The following LRP1B variants were observed in gnomAD, a reference collection of about 807,000 sequenced individuals.
LRP1B encodes LDL receptor related protein 1B.
In LRP1B, 217 loss-of-function variants were observed where a neutral mutation model predicts 556.6. The observed-to-expected ratio is 0.39, with a 90% confidence interval of 0.35 to 0.44. LRP1B has a LOEUF of 0.44. LRP1B is among the 20% of genes least tolerant of loss of function. LRP1B has a pLI of 1.00. For missense variants in LRP1B, 5,053 were observed against 5,620.8 expected, an observed-to-expected ratio of 0.90 and a Z score of 3.23; for synonymous variants, 2,047 against 1,865.8, an observed-to-expected ratio of 1.10 and a Z score of -2.50.
chr2:142,000,415 A>G (rs1204992222), intron 1 of LRP1B, among the ~76,000 whole-genome samples: 1 of 152,210 alleles, frequency 6.6e-6, no homozygotes, highest in Non-Finnish European at 1.5e-5. Flanking sequence ...CATAATTACA[A>G]TCATTTCTTA....
chr2:140,341,454 AAC>A (rs1424082910), intron 77 of LRP1B, among the ~76,000 whole-genome samples: 1 of 151,444 alleles, frequency 6.6e-6, no homozygotes, highest in Non-Finnish European at 1.5e-5. Flanking sequence ...AAGACCTAAA[AAC>A]ACATTATGTG....
intron 55 of LRP1B, among the ~76,000 whole-genome samples, chr2:140,497,447 A>G (rs960976908): frequency 9.2e-5 from 14 of 151,968 alleles, no homozygotes; most frequent in African/African-American, 3.4e-4. Context: ...TTAACTGTAC[A>G]CATAAAAAAA....
intron 31 of LRP1B, 98 bp downstream of exon 31, chr2:140,839,893 T>C: frequency 2.7e-6 from 2 of 750,486 alleles, no homozygotes; most frequent in Non-Finnish European, 2.2e-6. Flanking sequence ...ATTTTACTAA[T>C]CTTTAATATT....
chr2:142,052,756 T>G (rs1291734288), intron 1 of LRP1B, among the ~76,000 whole-genome samples: 1 of 152,104 alleles, frequency 6.6e-6, no homozygotes, highest in East Asian at 1.9e-4. Context: ...CTTTAACATG[T>G]GTGAAGATCT....
At chr2:141,258,189 G>T (rs1271086865) in intron 3 of LRP1B, among the ~76,000 whole-genome samples, 1 of 152,132 alleles carries the variant, frequency 6.6e-6, no homozygotes, top group South Asian at 2.1e-4. Flanking sequence ...CTTTTGATTA[G>T]AAGAGAGAAG....
intron 1 of LRP1B, among the ~76,000 whole-genome samples, chr2:142,025,626 G>A (rs1179379459): frequency 6.6e-6 from 1 of 152,058 alleles, no homozygotes; most frequent in Non-Finnish European, 1.5e-5. Context: ...TATCCAAGAT[G>A]GGTCACCCCG....
rs146434280 is a variant in LRP1B, at chr2:140,990,599, A to C, written c.2645-942T>G. On this transcript the variant is annotated intron_variant, in intron 16 of 90. Transcript: ENST00000389484. ...CATCATGAGTTTTCTTCCCTAGTAC[A>C]AACAAACATGCAACCACAGAAAATA... 1.8e-3 allele frequency among the ~76,000 whole-genome samples: 278 copies of C among 152,142 alleles called. 7 individuals carry two copies. The highest frequency in any genetic ancestry group is 0.015 in the Admixed American group (222 of 15,260).
chr2:140,962,082 T>C (rs1394504604), intron 18 of LRP1B, among the ~76,000 whole-genome samples: 1 of 152,202 alleles, frequency 6.6e-6, no homozygotes, highest in African/African-American at 2.4e-5. Flanking sequence ...AAAATAGCAA[T>C]AGAAATTGAA....
At chr2:140,587,596 T>C (rs1362179192) in intron 43 of LRP1B, among the ~76,000 whole-genome samples, 1 of 152,068 alleles carries the variant, frequency 6.6e-6, no homozygotes, top group Non-Finnish European at 1.5e-5. Context: ...GAATAAGATG[T>C]TGGTCAAAGG....
At chr2:141,418,747 A>T (rs76265982) in intron 3 of LRP1B, among the ~76,000 whole-genome samples, 3,162 of 150,392 alleles carry the variant, frequency 0.021, 65 homozygotes, top group East Asian at 0.092. Flanking sequence ...GAATTTTAGA[A>T]TTTTTTTTTT....
At chr2:142,016,870 A>G (rs1703156499) in intron 1 of LRP1B, among the ~76,000 whole-genome samples, 1 of 148,932 alleles carries the variant, frequency 6.7e-6, no homozygotes, top group Admixed American at 6.7e-5. Flanking sequence ...ACACACATAT[A>G]TGTATATATG....
intron 1 of LRP1B, among the ~76,000 whole-genome samples, chr2:141,984,920 T>G (rs1177702974): frequency 6.6e-6 from 1 of 152,198 alleles, no homozygotes; most frequent in Non-Finnish European, 1.5e-5. Flanking sequence ...GCATCTTACT[T>G]GATTGTTCTG....
rs182682244 is a variant in LRP1B at position 140,828,912 on chromosome 2, C to G, written c.5209+11079G>C. ...ATTTCACCTACAAAAAGACACACAT[C>G]GGCTGAAAGTAAAGAGATGGAAGAA... is the stretch of plus-strand genomic sequence containing the variant. On this transcript the variant is annotated intron_variant, in intron 31 of 90. Transcript: ENST00000389484. Among the ~76,000 whole-genome samples, 737 of 151,134 alleles carry G rather than the reference C, an allele frequency of 4.9e-3. 8 individuals carry two copies. The highest frequency in any genetic ancestry group is 0.017 in the African/African-American group (699 of 41,130).
chr2:141,990,995 G>A (rs1702328188), intron 1 of LRP1B, among the ~76,000 whole-genome samples: 1 of 151,830 alleles, frequency 6.6e-6, no homozygotes, highest in African/African-American at 2.4e-5. Context: ...TGGTACATAG[G>A]TCCCTACCCG....
At chr2:140,475,658 C>A (rs1024073431) in intron 59 of LRP1B, among the ~76,000 whole-genome samples, 2 of 151,066 alleles carry the variant, frequency 1.3e-5, no homozygotes, top group Admixed American at 1.3e-4. Context: ...CAAAAGATAC[C>A]TATCAATGTT....
intron 43 of LRP1B, among the ~76,000 whole-genome samples, chr2:140,595,098 A>ATATC (rs1558992080): frequency 2.0e-4 from 10 of 50,630 alleles, no homozygotes; most frequent in Non-Finnish European, 3.3e-4. Context: ...ATATATATAT[A>ATATC]TATATATATA....
intron 3 of LRP1B, among the ~76,000 whole-genome samples, chr2:141,328,423 A>G (rs1321846585): frequency 6.6e-6 from 1 of 152,196 alleles, no homozygotes; most frequent in Non-Finnish European, 1.5e-5. Flanking sequence ...AACATTAGCT[A>G]ATTTTTTCCT....
At chr2:140,409,983 A>G (rs1240302508) in intron 66 of LRP1B, among the ~76,000 whole-genome samples, 1 of 152,114 alleles carries the variant, frequency 6.6e-6, no homozygotes, top group Non-Finnish European at 1.5e-5. Flanking sequence ...GAGGTAATTC[A>G]AAAACATGGT....
chr2:141,006,934 T>C (rs1297613998), intron 14 of LRP1B, among the ~76,000 whole-genome samples: 2 of 151,972 alleles, frequency 1.3e-5, no homozygotes, highest in African/African-American at 4.8e-5. Flanking sequence ...CTATGCCACG[T>C]ATGACTCTAC....
Sources: allele counts gnomAD v4.1 joint callset (sites outside exome capture counted in the v4.1 genomes callset), GRCh38; gene constraint gnomAD v4.1.1; transcripts MANE v1.5; gene names NCBI Gene and HGNC (gene_info 2026-07-23, HGNC 2026-07-21).